Variants in EPS15 observed in about 807,000 individuals in gnomAD.
The protein encoded by EPS15 is epidermal growth factor receptor pathway substrate 15, also known as epidermal growth factor receptor substrate 15.
EPS15 carries 72 observed loss-of-function variants against 113.8 expected under a neutral mutation model. The ratio of observed to expected loss-of-function variants is 0.63; its 90% CI spans 0.52 to 0.77. EPS15 has a LOEUF of 0.77. EPS15 is among the 30% of genes least tolerant of loss of function. The probability of loss-of-function intolerance (pLI) is 0.00; values close to 1 mark genes in which losing one functional copy is unlikely to be tolerated. For missense variants in EPS15, 1,048 were observed against 1,045.8 expected, an observed-to-expected ratio of 1.00 and a Z score of -0.03; for synonymous variants, 344 against 363.4, an observed-to-expected ratio of 0.95 and a Z score of 0.61.
At chr1:51,415,498 G>C (rs1650120509) in intron 13 of EPS15, among the ~76,000 whole-genome samples, 2 of 151,840 alleles carry the variant, frequency 1.3e-5, no homozygotes, top group Non-Finnish European at 2.9e-5. Context: ...TATGAAAAAA[G>C]GTCTATAAAA....
intron 24 of EPS15, among the ~76,000 whole-genome samples, chr1:51,360,656 CTGTG>C (rs1183956905): frequency 6.6e-6 from 1 of 152,228 alleles, no homozygotes; most frequent in Non-Finnish European, 1.5e-5. Context: ...TAAAAAGCTA[CTGTG>C]TAAGTTTAAT....
chr1:51,442,008 C>A (rs1229125731), intron 11 of EPS15, among the ~76,000 whole-genome samples: 1 of 152,108 alleles, frequency 6.6e-6, no homozygotes, highest in Non-Finnish European at 1.5e-5. Context: ...TTTTGACTAT[C>A]AGTACCAAAA....
intron 24 of EPS15, among the ~76,000 whole-genome samples, chr1:51,357,389 AAAATATATAT>A (rs1227893841): frequency 6.9e-5 from 4 of 57,664 alleles, no homozygotes; most frequent in Admixed American, 2.4e-4. Flanking sequence ...AAAAAAAAAA[AAAATATATAT>A]ATATATATAT....
intron 19 of EPS15, among the ~76,000 whole-genome samples, 160 bp downstream of exon 19, chr1:51,400,758 A>T (rs534556167): frequency 9.2e-5 from 14 of 151,662 alleles, no homozygotes; most frequent in African/African-American, 2.9e-4. Flanking sequence ...GTAAAGCAAC[A>T]ATTCATTAAG....
At chr1:51,499,177 T>C (rs1469873950) in intron 1 of EPS15, among the ~76,000 whole-genome samples, 1 of 152,222 alleles carries the variant, frequency 6.6e-6, no homozygotes, top group Non-Finnish European at 1.5e-5. Flanking sequence ...TCTTTCTAAA[T>C]TGCCCAGTTT....
rs1353272155 is a variant in EPS15, at chr1:51,518,764, C to A, written c.33+435G>T. Among the ~76,000 whole-genome samples, 3 of 152,050 alleles carry A rather than the reference C, an allele frequency of 2.0e-5. No individual in the cohort carries two copies. In the East Asian group the frequency reaches 5.8e-4, roughly 29 times the overall value. On this transcript the variant is annotated intron_variant, in intron 1 of 24. Coordinates refer to ENST00000371733, the MANE Select transcript of EPS15 (RefSeq NM_001981.3). ...GGCGGCGCGCAGCCGGCCTGGCGGG[C>A]GAGCCTCGTGCGGCCCGGGGGTGCG...
At chr1:51,423,182 T>C (rs1181017185) in intron 12 of EPS15, 3 of 1,287,222 alleles carry the variant, frequency 2.3e-6, no homozygotes, top group African/African-American at 1.5e-5. Flanking sequence ...TTTTAAACAT[T>C]TGAGATGGCC....
intron 8 of EPS15, chr1:51,458,566 G>C (rs1292094907): frequency 2.3e-6 from 1 of 444,174 alleles, no homozygotes; most frequent in East Asian, 7.4e-5. Context: ...GCGAAACGCT[G>C]TCTCTACTAA....
intron 21 of EPS15, among the ~76,000 whole-genome samples, chr1:51,390,704 A>C (rs1647270903): frequency 6.6e-6 from 1 of 152,224 alleles, no homozygotes; most frequent in Admixed American, 6.5e-5. Flanking sequence ...GCCAACAGAC[A>C]CGTGAAAAAA....
intron 8 of EPS15, among the ~76,000 whole-genome samples, chr1:51,452,525 C>T (rs867027878): frequency 6.6e-5 from 10 of 152,096 alleles, no homozygotes; most frequent in Admixed American, 6.5e-5. Flanking sequence ...ATCAAGTAAG[C>T]CACCACACCC....
At chr1:51,376,914 G>C (rs1646813647) in intron 21 of EPS15, among the ~76,000 whole-genome samples, 1 of 152,064 alleles carries the variant, frequency 6.6e-6, no homozygotes, top group African/African-American at 2.4e-5. Flanking sequence ...GATGGATTTG[G>C]GCAAAGTACA....
intron 17 of EPS15, among the ~76,000 whole-genome samples, chr1:51,403,081 A>G (rs547229580): frequency 1.3e-5 from 2 of 152,258 alleles, no homozygotes; most frequent in East Asian, 3.9e-4. Context: ...TTAAAATATC[A>G]TTTAATTTTT....
At chr1:51,511,173 T>C (rs910829841) in intron 1 of EPS15, among the ~76,000 whole-genome samples, 1 of 145,444 alleles carries the variant, frequency 6.9e-6, no homozygotes, top group African/African-American at 2.6e-5. Context: ...CCTCAAAAAA[T>C]AATAATAAAT....
At chr1:51,493,744 G>T (rs1390833578) in intron 1 of EPS15, among the ~76,000 whole-genome samples, 1 of 150,806 alleles carries the variant, frequency 6.6e-6, no homozygotes, top group African/African-American at 2.4e-5. Flanking sequence ...TCAGCCTCCC[G>T]AGTAGCTGGG....
At chr1:51,516,835 T>G (rs2148573773) in intron 1 of EPS15, among the ~76,000 whole-genome samples, 1 of 152,338 alleles carries the variant, frequency 6.6e-6, no homozygotes, top group African/African-American at 2.4e-5. Flanking sequence ...CTTTCAGTCA[T>G]TCCTACAACA....
At chr1:51,453,263 A>G (rs1653722973) in intron 8 of EPS15, among the ~76,000 whole-genome samples, 1 of 152,216 alleles carries the variant, frequency 6.6e-6, no homozygotes, top group Non-Finnish European at 1.5e-5. Context: ...GAAGCGAAAA[A>G]GCAACGTTAG....
At chr1:51,456,680 A>T (rs1654019219) in intron 8 of EPS15, among the ~76,000 whole-genome samples, 1 of 152,234 alleles carries the variant, frequency 6.6e-6, no homozygotes, top group African/African-American at 2.4e-5. Context: ...GAAGAATGAT[A>T]TCAGCTCTCA....
chr1:51,417,228 T>TCTGAATTAC (rs1650313661), intron 13 of EPS15, among the ~76,000 whole-genome samples: 2 of 152,168 alleles, frequency 1.3e-5, no homozygotes, highest in African/African-American at 4.8e-5. Flanking sequence ...GGACAAGTAC[T>TCTGAATTAC]CTGAATTACT....
At chr1:51,479,151 C>T (rs185463996) in intron 2 of EPS15, among the ~76,000 whole-genome samples, 56 of 152,200 alleles carry the variant, frequency 3.7e-4, no homozygotes, top group East Asian at 1.9e-3. Context: ...AGGCTTTGTT[C>T]GTTTCCTTTT....
Sources: allele counts gnomAD v4.1 joint callset (sites outside exome capture counted in the v4.1 genomes callset), GRCh38; gene constraint gnomAD v4.1.1; transcripts MANE v1.5; gene names NCBI Gene and HGNC (gene_info 2026-07-23, HGNC 2026-07-21).